The following C18orf63 variants were observed in gnomAD, a reference collection of about 807,000 sequenced individuals.
C18orf63 encodes the protein chromosome 18 open reading frame 63.
A neutral mutation model predicts 75.3 loss-of-function variants in C18orf63; 50 were observed. The observed-to-expected ratio is 0.66, with a 90% CI of 0.53 to 0.84. C18orf63 has a LOEUF of 0.84. Ranked by LOEUF, C18orf63 falls within the 40% of genes least tolerant of loss-of-function variation. The pLI, the probability that C18orf63 is intolerant of heterozygous loss-of-function variation, is 0.00. For missense variants in C18orf63, 732 were observed against 800.2 expected (o/e 0.91, Z 1.03); for synonymous variants, 232 against 267.6 (o/e 0.87, Z 1.30).
At chr18:74,355,507 G>C (rs974439773) in intron 13 of C18orf63, among the ~76,000 whole-genome samples, 2 of 118,082 alleles carry the variant, frequency 1.7e-5, no homozygotes, top group Non-Finnish European at 4.2e-5. Context: ...TCATCCAGGA[G>C]GGGGGGCTTA....
At chr18:74,340,179 T>TTTTAAAA (rs1984456990) in intron 8 of C18orf63, among the ~76,000 whole-genome samples, 1 of 152,066 alleles carries the variant, frequency 6.6e-6, no homozygotes, top group East Asian at 1.9e-4. Flanking sequence ...AATAACCTGA[T>TTTTAAAA]TTTAAAATGG....
At chr18:74,340,991 G>A (rs967375558) in intron 8 of C18orf63, among the ~76,000 whole-genome samples, 2 of 152,054 alleles carry the variant, frequency 1.3e-5, no homozygotes, top group South Asian at 2.1e-4. Context: ...GGGGCCGGGC[G>A]CGGTGGCTCA....
At chr18:74,318,055 T>A in intron 2 of C18orf63, 56 bp downstream of exon 2, 1 of 1,200,486 alleles carries the variant, frequency 8.3e-7, no homozygotes, top group Non-Finnish European at 1.1e-6. Context: ...CTATAAAAGC[T>A]GTTTTAGAGG....
chr18:74,343,358 A>G (rs1443759295), intron 10 of C18orf63, among the ~76,000 whole-genome samples, 161 bp from the exon 11 acceptor site: 4 of 152,194 alleles, frequency 2.6e-5, no homozygotes, highest in Non-Finnish European at 4.4e-5. Flanking sequence ...GTGAGAAAAC[A>G]TACTTTCATC....
At chr18:74,327,672 A>C (rs751477033) in intron 4 of C18orf63, among the ~76,000 whole-genome samples, 2 of 152,214 alleles carry the variant, frequency 1.3e-5, no homozygotes, top group Non-Finnish European at 2.9e-5. Flanking sequence ...GGGTTTTAGC[A>C]CAGAACTCCC....
chr18:74,320,628 G>A (rs1984104782), intron 3 of C18orf63, 37 bp downstream of exon 3: 1 of 1,212,616 alleles, frequency 8.2e-7, no homozygotes, highest in Non-Finnish European at 1.2e-6. Context: ...GTTATTACTA[G>A]TTGAGAACAA....
chr18:74,337,099 A>G (rs1355637022), intron 7 of C18orf63, among the ~76,000 whole-genome samples: 1 of 152,134 alleles, frequency 6.6e-6, no homozygotes, highest in African/African-American at 2.4e-5. Context: ...CAGCCTAAAT[A>G]TCTTTAGTAT....
intron 4 of C18orf63, among the ~76,000 whole-genome samples, chr18:74,323,879 C>G (rs1288601486): frequency 6.6e-6 from 1 of 152,126 alleles, no homozygotes; most frequent in East Asian, 1.9e-4. Flanking sequence ...CCCAAATATG[C>G]ACACATTAAG....
intron 4 of C18orf63, among the ~76,000 whole-genome samples, chr18:74,327,225 A>T (rs1381937781): frequency 6.6e-6 from 1 of 152,180 alleles, no homozygotes; most frequent in Non-Finnish European, 1.5e-5. Flanking sequence ...AACCTTTATG[A>T]TTTAGCAGGA....
chr18:74,321,372 T>G (rs1984118452), intron 3 of C18orf63, among the ~76,000 whole-genome samples: 2 of 145,532 alleles, frequency 1.4e-5, no homozygotes, highest in African/African-American at 5.0e-5. Context: ...TGGCTCCATC[T>G]CGACTCACTG....
intron 11 of C18orf63, among the ~76,000 whole-genome samples, chr18:74,348,650 A>G (rs1343830911): frequency 6.6e-6 from 1 of 152,174 alleles, no homozygotes; most frequent in Non-Finnish European, 1.5e-5. Context: ...TGCCAATGAC[A>G]CTTGGCAGAA....
intron 2 of C18orf63, among the ~76,000 whole-genome samples, chr18:74,319,628 ATTTCC>A (rs1283346683): frequency 6.6e-6 from 1 of 152,156 alleles, no homozygotes; most frequent in Non-Finnish European, 1.5e-5. Context: ...CTTGGGAAGA[ATTTCC>A]TTTCTGAAGG....
At position 74,356,713 on chromosome 18, in the gene C18orf63, A is replaced by C. The variant is rs1419003792; in HGVS notation, c.*266A>C. ...ACTATTACAACATCATGTAGTCTGC[A>C]GATCTTTGCAAAATATCCAATGATC... On this transcript the variant is annotated 3_prime_UTR_variant, in exon 14 of 14. Coordinates refer to ENST00000579455, the MANE Select transcript of C18orf63 (RefSeq NM_001174123.2). 2 of 144,076 alleles carry C rather than the reference A, an allele frequency of 1.4e-5. No homozygotes were observed. Among genetic ancestry groups the C allele is most frequent in the African/African-American group, 5.0e-5 (2 of 39,664 alleles). 8.9% of individuals were successfully genotyped at this position (144,076 alleles called of 1,614,324 possible).
chr18:74,351,254 T>C (rs1984662055), intron 11 of C18orf63, among the ~76,000 whole-genome samples: 1 of 152,206 alleles, frequency 6.6e-6, no homozygotes, highest in Admixed American at 6.5e-5. Flanking sequence ...CTTTCTATTA[T>C]GTCAACTTAA....
In C18orf63 at chr18:74,338,801, C is replaced by A; in HGVS notation, c.588C>A (p.Ser196Arg). 7.1e-7 allele frequency: 1 copy of A among 1,406,896 alleles called. No homozygotes were observed. The allele number at this position is 1,406,896 out of a possible 1,614,324, so 87.2% of individuals were successfully genotyped here. The change falls in exon 8 of 14, where the codon AGC becomes AGA. Residue 196 changes from serine to arginine, a missense_variant. Ser to Arg is a moderately radical substitution (Grantham distance 110, BLOSUM62 -1). Transcript: ENST00000579455. ...HAVIERHSIL[S>R]NWCYVLPSMK... is the part of the protein sequence containing the mutation. ...TCATTGAGAGACATTCCATTTTAAG[C>A]AACTGGTGCTACGTTTTGCCAAGGT...
intron 8 of C18orf63, among the ~76,000 whole-genome samples, chr18:74,341,034 G>T (rs1323591309): frequency 6.6e-6 from 1 of 152,016 alleles, no homozygotes; most frequent in African/African-American, 2.4e-5. Context: ...GGAGGCCGAG[G>T]CTGGCGGATC....
intron 7 of C18orf63, among the ~76,000 whole-genome samples, chr18:74,335,499 G>A (rs1347794441): frequency 6.6e-6 from 1 of 152,052 alleles, no homozygotes; most frequent in Non-Finnish European, 1.5e-5. Context: ...TTTCCTGGAA[G>A]TAATTAAATG....
chr18:74,331,105 A>G (rs965904523), intron 7 of C18orf63, among the ~76,000 whole-genome samples, 163 bp downstream of exon 7: 1 of 152,120 alleles, frequency 6.6e-6, no homozygotes, highest in Non-Finnish European at 1.5e-5. Context: ...TATTTATGTC[A>G]TTCTAAATCT....
At chr18:74,329,861 A>G (rs1221328308) in intron 6 of C18orf63, among the ~76,000 whole-genome samples, 1 of 152,208 alleles carries the variant, frequency 6.6e-6, no homozygotes, top group Non-Finnish European at 1.5e-5. Context: ...TAGCAGATAG[A>G]TGATAATCCT....
Sources: gnomAD v4.1 joint callset for allele counts (sites outside exome capture counted in the v4.1 genomes callset) on GRCh38, gnomAD v4.1.1 for gene constraint, MANE v1.5 for transcripts, NCBI Gene and HGNC (gene_info 2026-07-23, HGNC 2026-07-21) for gene names.